ZNF385D: variants seen among roughly 807,000 people sequenced by gnomAD.
The protein encoded by ZNF385D is zinc finger protein 659.
ZNF385D carries 15 observed loss-of-function variants against 35.8 expected under a neutral mutation model. The observed-to-expected ratio is 0.42, with a 90% CI of 0.28 to 0.64. The LOEUF (loss-of-function observed/expected upper bound fraction) is 0.64. Among genes scored for constraint, ZNF385D ranks in the 30% least tolerant of loss-of-function variants. The pLI, the probability that ZNF385D is intolerant of heterozygous loss-of-function variation, is 0.23. For missense variants in ZNF385D, 474 were observed against 494.6 expected, an observed-to-expected ratio of 0.96 and a Z score of 0.39; for synonymous variants, 212 against 186.8, an observed-to-expected ratio of 1.13 and a Z score of -1.10.
At chr3:21,429,797 A>T (rs1477760951) in intron 5 of ZNF385D, among the ~76,000 whole-genome samples, 1 of 152,126 alleles carries the variant, frequency 6.6e-6, no homozygotes, top group African/African-American at 2.4e-5. Flanking sequence ...ATTTGACTAG[A>T]TTTTTAACAA....
At chr3:21,829,488 T>C (rs1051817103) in intron 3 of ZNF385D, among the ~76,000 whole-genome samples, 3 of 152,142 alleles carry the variant, frequency 2.0e-5, no homozygotes, top group Admixed American at 1.3e-4. Flanking sequence ...GCCCTGACCA[T>C]GCACTTTTGT....
chr3:22,148,667 A>G (rs1469333081), intron 3 of ZNF385D, among the ~76,000 whole-genome samples: 3 of 152,144 alleles, frequency 2.0e-5, no homozygotes, highest in Admixed American at 2.0e-4. Context: ...ATGGTTTAGC[A>G]AAGTAAGATC....
At chr3:21,742,806 CA>C (rs1257747630) in intron 1 of ZNF385D, among the ~76,000 whole-genome samples, 1 of 152,196 alleles carries the variant, frequency 6.6e-6, no homozygotes, top group East Asian at 1.9e-4. Flanking sequence ...GCTCTTCTAT[CA>C]CCTATATACC....
At chr3:21,735,459 T>A (rs2069199495) in intron 1 of ZNF385D, among the ~76,000 whole-genome samples, 1 of 152,096 alleles carries the variant, frequency 6.6e-6, no homozygotes, top group Admixed American at 6.5e-5. Flanking sequence ...TAAGGTGAAG[T>A]ATATAAGGTG....
intron 3 of ZNF385D, among the ~76,000 whole-genome samples, chr3:21,888,991 A>G (rs1173994794): frequency 1.3e-5 from 2 of 152,228 alleles, no homozygotes; most frequent in African/African-American, 4.8e-5. Flanking sequence ...GATACTCAGG[A>G]AACTATAGAT....
chr3:21,927,394 T>A (rs950447307), intron 3 of ZNF385D, among the ~76,000 whole-genome samples: 10 of 152,186 alleles, frequency 6.6e-5, no homozygotes, highest in African/African-American at 2.4e-4. Flanking sequence ...AAAGTTAGGT[T>A]CACATAAAAA....
At position 21,924,966 on chromosome 3, in the gene ZNF385D, T is replaced by C. The variant is rs144033020; in HGVS notation, c.325+243851A>G. ...AATTCTAACAAGACATATACAGGAC[T>C]TGACTACTAAAACTAAAAACTGCAA... is the stretch of plus-strand genomic sequence containing the variant. On this transcript the variant is annotated intron_variant, in intron 3 of 5. Transcript: ENST00000494108. Among the ~76,000 whole-genome samples, 272 of 152,148 alleles carry C rather than the reference T, an allele frequency of 1.8e-3. 4 individuals are homozygous for C. Among genetic ancestry groups the C allele is most frequent in the Admixed American group, 0.017 (265 of 15,266 alleles).
intron 3 of ZNF385D, among the ~76,000 whole-genome samples, chr3:21,996,517 T>C (rs987902549): frequency 6.6e-6 from 1 of 152,146 alleles, no homozygotes; most frequent in African/African-American, 2.4e-5. Context: ...ACGGGTGCCA[T>C]CTAGTCACCT....
intron 3 of ZNF385D, among the ~76,000 whole-genome samples, chr3:22,107,768 A>T (rs1702303171): frequency 1.3e-5 from 2 of 152,052 alleles, no homozygotes; most frequent in Middle Eastern, 3.4e-3. Context: ...TCTACAGGTA[A>T]ATTTTACATC....
intron 3 of ZNF385D, among the ~76,000 whole-genome samples, chr3:21,850,365 C>T (rs1230893561): frequency 6.6e-6 from 1 of 151,990 alleles, no homozygotes; most frequent in Non-Finnish European, 1.5e-5. Flanking sequence ...CAGCTTTGTG[C>T]TTGTCAGTAT....
At chr3:21,886,608 T>A (rs1175218918) in intron 3 of ZNF385D, among the ~76,000 whole-genome samples, 1 of 152,050 alleles carries the variant, frequency 6.6e-6, no homozygotes, top group Non-Finnish European at 1.5e-5. Context: ...CCTAGTCTCA[T>A]GGAATCTTAA....
At chr3:22,121,786 C>G (rs1390024003) in intron 3 of ZNF385D, among the ~76,000 whole-genome samples, 1 of 151,810 alleles carries the variant, frequency 6.6e-6, no homozygotes, top group East Asian at 1.9e-4. Flanking sequence ...CATTATATAA[C>G]CTTGAAGCAA....
At chr3:22,365,087 G>A (rs1696591748) in intron 2 of ZNF385D, among the ~76,000 whole-genome samples, 1 of 152,066 alleles carries the variant, frequency 6.6e-6, no homozygotes, top group Admixed American at 6.6e-5. Context: ...GCCAGGGGCT[G>A]TGGGCAGGGA....
rs563449404 is a variant in ZNF385D at position 22,369,410 on chromosome 3, A to C, written c.106+3040T>G. Among the ~76,000 whole-genome samples the C allele has an allele frequency of 3.9e-4, 60 of 152,284 alleles. 2 individuals are homozygous for C. In the South Asian group the frequency reaches 0.012, roughly 32 times the overall value. ...ACGATTCAAGTTCATAATTAGTTTC[A>C]TTATTTTAATACTCTTCTAAGGTTA... On this transcript the variant is annotated intron_variant, in intron 2 of 5. Coordinates refer to the ZNF385D transcript ENST00000494108.
intron 3 of ZNF385D, among the ~76,000 whole-genome samples, chr3:21,831,927 C>A (rs1358940932): frequency 1.3e-5 from 2 of 152,232 alleles, no homozygotes; most frequent in East Asian, 1.9e-4. Context: ...ACTTAAACAT[C>A]TTATGAGAAA....
At position 21,896,349 on chromosome 3, in the gene ZNF385D, A is replaced by G. The variant is rs140285670; in HGVS notation, c.326-231321T>C. 1.3e-3 allele frequency among the ~76,000 whole-genome samples: 196 copies of G among 152,276 alleles called. 1 individual carries two copies. Among genetic ancestry groups the G allele is most frequent in the African/African-American group, 4.1e-3 (171 of 41,552 alleles). ...TCTATATTTTAATAGATACTTACCC[A>G]TGGTGTAGATACCAACTTCCTAAAG... On this transcript the variant is annotated intron_variant, in intron 3 of 5. Transcript: ENST00000494108.
chr3:22,111,152 A>ATTTTTTTTTTTTTTTTTTT (rs61708178), intron 3 of ZNF385D, among the ~76,000 whole-genome samples: 7 of 68,970 alleles, frequency 1.0e-4, no homozygotes, highest in South Asian at 5.5e-4. Context: ...TCCATGTTGG[A>ATTTTTTTTTTTTTTTTTTT]TTTTTTTTTT....
At chr3:21,991,840 T>C (rs1427263726) in intron 3 of ZNF385D, among the ~76,000 whole-genome samples, 1 of 152,172 alleles carries the variant, frequency 6.6e-6, no homozygotes, top group African/African-American at 2.4e-5. Context: ...TGGTAAGAAG[T>C]AGAATTTCAG....
chr3:21,498,787 C>CA (rs1194150379), intron 4 of ZNF385D, among the ~76,000 whole-genome samples: 3 of 151,458 alleles, frequency 2.0e-5, no homozygotes, highest in Admixed American at 6.6e-5. Flanking sequence ...ACTAAAAATA[C>CA]AAAAAATTAG....
Sources: gnomAD v4.1 joint callset for allele counts (sites outside exome capture counted in the v4.1 genomes callset) on GRCh38, gnomAD v4.1.1 for gene constraint, MANE v1.5 for transcripts, NCBI Gene and HGNC (gene_info 2026-07-23, HGNC 2026-07-21) for gene names.